ECPAS: variants seen among roughly 807,000 people sequenced by gnomAD.
The protein encoded by ECPAS is proteasome adapter and scaffold protein ECM29.
ECPAS carries 70 observed loss-of-function variants against 255.1 expected under a neutral mutation model. The observed-to-expected ratio is 0.27, with a 90% CI of 0.23 to 0.33. The LOEUF (loss-of-function observed/expected upper bound fraction) is 0.33. ECPAS is among the 10% of genes least tolerant of loss of function. The probability of loss-of-function intolerance (pLI) is 1.00; values close to 1 mark genes in which losing one functional copy is unlikely to be tolerated. For synonymous variants in ECPAS, 784 were observed against 775.0 expected (o/e 1.01, Z -0.19); for missense variants, 1,817 against 2,206.4 (o/e 0.82, Z 3.54).
intron 24 of ECPAS, among the ~76,000 whole-genome samples, chr9:111,400,254 A>T (rs2098173739): frequency 6.6e-6 from 1 of 152,124 alleles, no homozygotes; most frequent in Non-Finnish European, 1.5e-5. Context: ...GGAACTCAAC[A>T]CTCAGTCATA....
chr9:111,403,316 C>A (rs1360409413), intron 24 of ECPAS, among the ~76,000 whole-genome samples: 1 of 151,458 alleles, frequency 6.6e-6, no homozygotes, highest in African/African-American at 2.4e-5. Flanking sequence ...GCTGAGATTG[C>A]TGCACTCCAG....
intron 27 of ECPAS, 21 bp from the exon 28 acceptor site, chr9:111,392,903 ATTGTATCAC>A: frequency 6.4e-7 from 1 of 1,553,766 alleles, no homozygotes; most frequent in Non-Finnish European, 8.7e-7. Flanking sequence ...GTCAGACAAG[ATTGTATCAC>A]TTTAAAAAAA....
At chr9:111,427,218 C>A (rs946068445) in intron 10 of ECPAS, among the ~76,000 whole-genome samples, 2 of 150,310 alleles carry the variant, frequency 1.3e-5, no homozygotes, top group Non-Finnish European at 3.0e-5. Context: ...AGACTAGAGG[C>A]AGGAAGGTAA....
At chr9:111,479,831 T>C (rs1157122827) in intron 1 of ECPAS, among the ~76,000 whole-genome samples, 1 of 151,588 alleles carries the variant, frequency 6.6e-6, no homozygotes, top group African/African-American at 2.4e-5. Flanking sequence ...ATGCAAAAAT[T>C]AGCTGGGCGC....
At chr9:111,385,090 T>C (rs544854781) in intron 33 of ECPAS, among the ~76,000 whole-genome samples, 2 of 152,296 alleles carry the variant, frequency 1.3e-5, no homozygotes, top group Admixed American at 6.5e-5. Flanking sequence ...CCTAATCCAA[T>C]AGAATCATGA....
chr9:111,484,191 C>A lies in ECPAS; in HGVS notation c.-158G>T. The A allele has an allele frequency of 6.7e-7, 1 of 1,482,982 alleles. No individual in the cohort carries two copies. Among genetic ancestry groups the A allele is most frequent in the South Asian group, 1.3e-5 (1 of 77,422 alleles). The allele number at this position is 1,482,982 out of a possible 1,614,324, so 91.9% of individuals were successfully genotyped here. On this transcript the variant is annotated 5_prime_UTR_variant, in exon 1 of 50. Coordinates refer to ENST00000684092, the MANE Select transcript of ECPAS (RefSeq NM_001364929.1). ...GGTGAGGGCTGTAGAGCGAGGCGTT[C>A]GGCGGGCCGGGCCCCGGGGAGCCGC...
At chr9:111,457,209 G>A (rs1039872065) in intron 2 of ECPAS, among the ~76,000 whole-genome samples, 2 of 152,170 alleles carry the variant, frequency 1.3e-5, no homozygotes, top group African/African-American at 4.8e-5. Flanking sequence ...CAGGGTAGAG[G>A]AATCAGTGGA....
At chr9:111,406,063 T>G (rs1484787134) in intron 24 of ECPAS, among the ~76,000 whole-genome samples, 1 of 149,956 alleles carries the variant, frequency 6.7e-6, no homozygotes, top group Non-Finnish European at 1.5e-5. Flanking sequence ...AAGAGGTATT[T>G]GTGCTCCAAT....
intron 19 of ECPAS, among the ~76,000 whole-genome samples, chr9:111,414,216 C>T (rs532207571): frequency 6.6e-6 from 1 of 151,952 alleles, no homozygotes; most frequent in East Asian, 1.9e-4. Flanking sequence ...CATCCACTTC[C>T]GAAGTAAAAA....
Position 111,389,585 on chromosome 9 carries a change from A to C in ECPAS, c.3418T>G (p.Trp1140Gly). ...LGIRQAMTSIWNALVTDKSMV... is the reference protein window; with the variant it reads ...LGIRQAMTSIGNALVTDKSMV... Reference sequence around the variant, plus strand: ...GATTTGTCAGTGACCAACGCATTCCAAATACTTGTCATGGCCTGTCGAATG... The same window carrying C: ...GATTTGTCAGTGACCAACGCATTCCCAATACTTGTCATGGCCTGTCGAATG... The change falls in exon 31 of 50, where the codon TGG (tryptophan) becomes GGG (glycine). Residue 1140 changes from tryptophan to glycine, a missense_variant. Coordinates refer to ENST00000684092, the MANE Select transcript of ECPAS (RefSeq NM_001364929.1). 1 of 1,613,738 alleles carries C rather than the reference A, an allele frequency of 6.2e-7. No individual in the cohort carries two copies. Among genetic ancestry groups the C allele is most frequent in the Non-Finnish European group, 8.5e-7 (1 of 1,179,766 alleles).
At chr9:111,388,684 G>C (rs1321706438) in intron 31 of ECPAS, among the ~76,000 whole-genome samples, 3 of 152,112 alleles carry the variant, frequency 2.0e-5, no homozygotes, top group African/African-American at 7.2e-5. Flanking sequence ...AAAAGATGAT[G>C]ATGACCTATT....
At chr9:111,453,540 G>T (rs1264951526) in intron 2 of ECPAS, among the ~76,000 whole-genome samples, 2 of 152,116 alleles carry the variant, frequency 1.3e-5, no homozygotes, top group Non-Finnish European at 2.9e-5. Context: ...CCCCTTGAGG[G>T]TAGACTAGAT....
At chr9:111,441,235 G>A (rs947649110) in intron 5 of ECPAS, among the ~76,000 whole-genome samples, 20 of 151,636 alleles carry the variant, frequency 1.3e-4, no homozygotes, top group Admixed American at 2.6e-4. Flanking sequence ...CAGGCACAGT[G>A]GCTCACACCT....
chr9:111,454,303 G>A (rs535747260), intron 2 of ECPAS, among the ~76,000 whole-genome samples: 2 of 147,934 alleles, frequency 1.4e-5, no homozygotes, highest in Admixed American at 6.7e-5. Context: ...AAAACGGTGG[G>A]GGGAGATGGG....
rs776533503 is a variant in ECPAS, at chr9:111,430,601, G to A, written c.876C>T (p.Ile292=). ...GGTACACCTTGTACATCTTATTAATGATGGCAGGATTATTCCAGTCAATTA... is the reference window on the plus strand; with the variant it reads ...GGTACACCTTGTACATCTTATTAATAATGGCAGGATTATTCCAGTCAATTA... ...QSLIDWNNPA[I]INKMYKVYLG... The change falls in exon 9 of 50, where the codon ATC becomes ATT. Residue 292 remains isoleucine (I), a synonymous_variant. Transcript: ENST00000684092. 1.1e-5 allele frequency: 17 copies of A among 1,596,810 alleles called. No individual in the cohort carries two copies. The highest frequency in any genetic ancestry group is 8.6e-5 in the Admixed American group (5 of 57,878).
chr9:111,364,197 A>G (rs1229102107), intron 48 of ECPAS, among the ~76,000 whole-genome samples: 1 of 152,174 alleles, frequency 6.6e-6, no homozygotes. Flanking sequence ...CGTCTGGTTC[A>G]TGGTGAAATT....
intron 15 of ECPAS, 144 bp from the exon 16 acceptor site, chr9:111,420,264 T>C (rs996076023): frequency 1.7e-6 from 1 of 594,450 alleles, no homozygotes; most frequent in African/African-American, 1.9e-5. Flanking sequence ...AATAAACGTG[T>C]ATCTAAATTA....
At chr9:111,420,798 T>C (rs1432024914) in intron 15 of ECPAS, among the ~76,000 whole-genome samples, 3 of 152,160 alleles carry the variant, frequency 2.0e-5, no homozygotes, top group Non-Finnish European at 4.4e-5. Context: ...AATATATATA[T>C]TGTCCCACTC....
Position 111,362,083 on chromosome 9 carries a change from C to G in ECPAS, c.5467G>C (p.Glu1823Gln), listed in dbSNP as rs760901994. 2.5e-6 allele frequency: 4 copies of G among 1,611,842 alleles called. No homozygotes were observed. The South Asian group carries it at 4.4e-5, about 18-fold the overall frequency. Reference protein sequence around the residue: ...LATMEPDSRPELQEKAALLKK... With the variant: ...LATMEPDSRPQLQEKAALLKK... ...AGTAACGCTGCTTTCTCCTGCAGTT[C>G]AGGTCTGCTGTCTGGCTCCATAGTA... is the stretch of plus-strand genomic sequence containing the variant. Residue 1823 changes from glutamate (E) to glutamine (Q), a missense_variant, in exon 50 of 50, where the codon GAA (glutamate) becomes CAA (glutamine). Around this residue, in one of 4 missense-constraint regions of ECPAS, gnomAD observed 960 missense variants for 1,179.0 expected, o/e 0.81. Transcript: ENST00000684092.
Sources: allele counts gnomAD v4.1 joint callset (sites outside exome capture counted in the v4.1 genomes callset), GRCh38; gene constraint gnomAD v4.1.1; regional missense constraint gnomAD v4.1.1; transcripts MANE v1.5; gene names NCBI Gene and HGNC (gene_info 2026-07-23, HGNC 2026-07-21).